Variants in ANKRD50 observed in about 807,000 individuals in gnomAD.
ANKRD50 encodes the protein ankyrin repeat domain 50, also known as ankyrin repeat domain-containing protein 50.
In ANKRD50, 40 loss-of-function variants were observed where a neutral mutation model predicts 112.0. That is an observed-to-expected ratio of 0.36 (90% confidence interval 0.28 to 0.46). The LOEUF is 0.46. ANKRD50 is among the 20% of genes least tolerant of loss of function. ANKRD50 has a pLI of 1.00. For missense variants in ANKRD50, 1,487 were observed against 1,701.7 expected (o/e 0.87, Z 2.22); for synonymous variants, 613 against 619.1 (o/e 0.99, Z 0.15).
chr4:124,684,291 T>G (rs1177486146), intron 2 of ANKRD50, among the ~76,000 whole-genome samples: 2 of 152,184 alleles, frequency 1.3e-5, no homozygotes, highest in African/African-American at 4.8e-5. Flanking sequence ...ATGCAGTGTC[T>G]AGGCTGGCAA....
At position 124,666,079 on chromosome 4, in the gene ANKRD50, G is replaced by A. The variant is rs1730482851; in HGVS notation, c.*1439C>T. ...TACATGAAAAGAACAGAATTTCTGG[G>A]TTCTATAAGATTAACAGGCCCATTC... On this transcript the variant is annotated 3_prime_UTR_variant, in exon 5 of 5. Transcript: ENST00000504087. 1 of 151,914 alleles carries A rather than the reference G, an allele frequency of 6.6e-6. No homozygotes were observed. The highest frequency in any genetic ancestry group is 1.5e-5 in the Non-Finnish European group (1 of 67,872). The allele number at this position is 151,914 out of a possible 1,614,324, so 9.4% of individuals were successfully genotyped here. A position where few individuals can be genotyped will look rare whatever the true frequency, so the allele number is the denominator to read the frequency against.
chr4:124,669,256 G>A lies in ANKRD50; in HGVS notation c.4021C>T (p.Arg1341Ter), dbSNP rs1560816656. The change falls in exon 4 of 5, where the codon CGA (arginine) becomes TGA (stop). Residue 1341 changes from arginine (R) to a stop codon, truncating the protein, a stop_gained. Transcript: ENST00000504087. LOFTEE classifies it high-confidence loss of function. ...TGAATAAGAAACTGCTGTTGAGATC[G>A]ACCAATTTCCTGCTGAGCTGAAGGT... ...MIPSAQQEIG[R>*]SQQQFLIHQQ... 1.9e-6 allele frequency: 3 copies of A among 1,613,702 alleles called. No individual in the cohort carries two copies. Among genetic ancestry groups the A allele is most frequent in the Non-Finnish European group, 2.5e-6 (3 of 1,179,806 alleles).
At position 124,671,068 on chromosome 4, in the gene ANKRD50, G is replaced by C. The variant is rs1377673439; in HGVS notation, c.2209C>G (p.Arg737Gly). The change falls in exon 4 of 5, where the codon CGA (arginine) becomes GGA (glycine). Residue 737 changes from arginine to glycine, a missense_variant. Physicochemically the swap from Arg to Gly is moderately radical, Grantham distance 125. Transcript: ENST00000504087. ...HASVVSLLID[R>G]GAEVDHCDKD... ...TCACAATGATCTACTTCAGCACCTCGATCAATTAAAAGGCTAACAACTGAT... is the reference window on the plus strand; with the variant it reads ...TCACAATGATCTACTTCAGCACCTCCATCAATTAAAAGGCTAACAACTGAT... The C allele has an allele frequency of 4.3e-6, 7 of 1,613,694 alleles. No individual in the cohort carries two copies. Among genetic ancestry groups the C allele is most frequent in the Non-Finnish European group, 5.9e-6 (7 of 1,179,834 alleles).
chr4:124,670,929 G>A lies in ANKRD50; in HGVS notation c.2348C>T (p.Thr783Ile), dbSNP rs1286965817. 6.2e-6 allele frequency: 10 copies of A among 1,613,744 alleles called. No homozygotes were observed. Among genetic ancestry groups the A allele is most frequent in the Non-Finnish European group, 8.5e-6 (10 of 1,179,892 alleles). Residue 783 changes from threonine (T) to isoleucine (I), a missense_variant, in exon 4 of 5, where the codon ACA becomes ATA. Around this residue, in one of 2 missense-constraint regions of ANKRD50, gnomAD observed 1,046 missense variants for 1,269.5 expected, o/e 0.82. Coordinates refer to ENST00000504087, the MANE Select transcript of ANKRD50 (RefSeq NM_020337.3). ...CATAGACGCTGCTGCTAAGAGGGGT[G>A]TACGGCCATTGTTATCTGTGTGATC... ...DVDHTDNNGR[T>I]PLLAAASMGH...
chr4:124,676,540 G>GA (rs923724274), intron 3 of ANKRD50, among the ~76,000 whole-genome samples: 1 of 151,028 alleles, frequency 6.6e-6, no homozygotes, highest in African/African-American at 2.4e-5. Context: ...AATGTATGAT[G>GA]AAAAAAAATC....
In ANKRD50 at chr4:124,667,277, G is replaced by C. The variant is rs1050472683; in HGVS notation, c.*241C>G. 9 of 152,022 alleles carry C rather than the reference G, an allele frequency of 5.9e-5. No homozygotes were observed. The highest frequency in any genetic ancestry group is 1.9e-4 in the African/African-American group (8 of 41,510). The allele number at this position is 152,022 out of a possible 1,614,324, so 9.4% of individuals were successfully genotyped here. A position where few individuals can be genotyped will look rare whatever the true frequency, so the allele number is the denominator to read the frequency against. ...CAGTATGTATCTGCATTTTTAAAAA[G>C]TGCTTATTCCTGTGTAGTGAATACA... On this transcript the variant is annotated 3_prime_UTR_variant, in exon 5 of 5. Transcript: ENST00000504087.
In ANKRD50 at chr4:124,664,123, C is replaced by T. The variant is rs971960499; in HGVS notation, c.*3395G>A. ...GTTTGCAATAAACTCCCAAAATATC[C>T]GCCATAAGATGGCCATAATATTCTG... is the stretch of plus-strand genomic sequence containing the variant. On this transcript the variant is annotated 3_prime_UTR_variant, in exon 5 of 5. Coordinates refer to ENST00000504087, the MANE Select transcript of ANKRD50 (RefSeq NM_020337.3). The T allele has an allele frequency of 3.3e-5, 5 of 151,868 alleles. No individual in the cohort carries two copies. The highest frequency in any genetic ancestry group is 9.7e-5 in the African/African-American group (4 of 41,362). The allele number at this position is 151,868 out of a possible 1,614,324, so 9.4% of individuals were successfully genotyped here. A position where few individuals can be genotyped will look rare whatever the true frequency, so the allele number is the denominator to read the frequency against.
chr4:124,705,109 C>T lies in ANKRD50; in HGVS notation c.512+4891G>A, dbSNP rs138315540. Among the ~76,000 whole-genome samples the T allele has an allele frequency of 4.2e-3, 643 of 151,862 alleles. 6 individuals are homozygous for T. The highest frequency in any genetic ancestry group is 0.015 in the African/African-American group (616 of 41,418). On this transcript the variant is annotated intron_variant, in intron 2 of 4. Coordinates refer to ENST00000504087, the MANE Select transcript of ANKRD50 (RefSeq NM_020337.3). ...ACTCCATCTCAAAAAAACAAACAAACAAACAAACAAAAAAACTGCAACGCA... is the reference window on the plus strand; with the variant it reads ...ACTCCATCTCAAAAAAACAAACAAATAAACAAACAAAAAAACTGCAACGCA...
At chr4:124,705,669 T>G (rs1285424229) in intron 2 of ANKRD50, among the ~76,000 whole-genome samples, 1 of 152,178 alleles carries the variant, frequency 6.6e-6, no homozygotes, top group Non-Finnish European at 1.5e-5. Flanking sequence ...AACCTAATGC[T>G]ACCACCCTCC....
rs1427434962 is a variant in ANKRD50, at chr4:124,671,550, G to A, written c.1727C>T (p.Ala576Val). 1.2e-6 allele frequency: 2 copies of A among 1,613,730 alleles called. No individual in the cohort carries two copies. The highest frequency in any genetic ancestry group is 1.7e-6 in the Non-Finnish European group (2 of 1,179,832). ...SRGADLEIED[A>V]HGHTPLTLAA... ...TAGAGTGAGTGGTGTATGTCCATGA[G>A]CATCTTCTATCTCTAAATCTGCTCC... Residue 576 changes from alanine (A) to valine (V), a missense_variant, in exon 4 of 5, where the codon GCT becomes GTT. Ala to Val is a moderately conservative substitution (Grantham distance 64, BLOSUM62 0). Coordinates refer to ENST00000504087, the MANE Select transcript of ANKRD50 (RefSeq NM_020337.3).
chr4:124,680,059 A>G (rs1724844931), intron 2 of ANKRD50, among the ~76,000 whole-genome samples: 1 of 152,212 alleles, frequency 6.6e-6, no homozygotes, highest in Non-Finnish European at 1.5e-5. Context: ...TTTATCTTCA[A>G]TTTTAAGTTG....
rs1730649397 is a variant in ANKRD50, at chr4:124,671,407, T to C, written c.1870A>G (p.Thr624Ala). The change falls in exon 4 of 5, where the codon ACT becomes GCT. Residue 624 changes from threonine (T) to alanine (A), a missense_variant. Thr to Ala is a moderately conservative substitution (Grantham distance 58). This residue lies in a region of ANKRD50 where 1,046 missense variants were observed against 1,269.5 expected (regional missense o/e 0.82). Transcript: ENST00000504087. ...TAAAGTAGTGCAGAAACTACCTCAG[T>C]ATGGCCACCCCAAGCAGCAGATCTT... is the stretch of plus-strand genomic sequence containing the variant. Reference protein sequence around the residue: ...ALRSAAWGGHTEVVSALLYAG... With the variant: ...ALRSAAWGGHAEVVSALLYAG... 5 of 1,613,860 alleles carry C rather than the reference T, an allele frequency of 3.1e-6. No homozygotes were observed. Among genetic ancestry groups the C allele is most frequent in the Non-Finnish European group, 4.2e-6 (5 of 1,179,862 alleles).
intron 2 of ANKRD50, among the ~76,000 whole-genome samples, chr4:124,683,756 C>T (rs987539034): frequency 3.5e-5 from 3 of 86,642 alleles, no homozygotes; most frequent in Admixed American, 2.5e-4. Flanking sequence ...GACTCCGTCT[C>T]AAAAAAAAAA....
At position 124,710,407 on chromosome 4, in the gene ANKRD50, A is replaced by G; in HGVS notation, c.105T>C (p.His35=). ...AGCAGTTACTTTTCTCCTGGAGGCA[A>G]TGCTGAAGCTTGTGGAAAACCCACT... ...CREWVFHKLQ[H]CLQEKSNCCN... is the part of the protein sequence containing the mutation. The change falls in exon 2 of 5, where the codon CAT becomes CAC. Residue 35 remains histidine (H), a synonymous_variant. Coordinates refer to ENST00000504087, the MANE Select transcript of ANKRD50 (RefSeq NM_020337.3). 6.2e-7 allele frequency: 1 copy of G among 1,614,226 alleles called. No homozygotes were observed. Among genetic ancestry groups the G allele is most frequent in the East Asian group, 2.2e-5 (1 of 44,882 alleles).
intron 3 of ANKRD50, among the ~76,000 whole-genome samples, chr4:124,673,516 G>GGCAGCAGTTGCAGCAGCA (rs1730706372): frequency 6.6e-6 from 1 of 151,926 alleles, no homozygotes; most frequent in Non-Finnish European, 1.5e-5. Flanking sequence ...CCATGGTGGT[G>GGCAGCAGTTGCAGCAGCA]GCAGCAGTTG....
At position 124,691,498 on chromosome 4, in the gene ANKRD50, CAAAAAAAAAAA is replaced by C. The variant is rs71583369; in HGVS notation, c.513-12604_513-12594del. Among the ~76,000 whole-genome samples, 43 of 59,776 alleles carry C rather than the reference CAAAAAAAAAAA, an allele frequency of 7.2e-4. 1 individual carries two copies. The East Asian group carries it at 0.019, about 26-fold the overall frequency. The allele number at this position is 59,776 out of a possible 152,430, so 39.2% of individuals were successfully genotyped here. A position where few individuals can be genotyped will look rare whatever the true frequency, so the allele number is the denominator to read the frequency against. On this transcript the variant is annotated intron_variant, in intron 2 of 4. Transcript: ENST00000504087. The stretch of plus-strand genomic sequence containing the variant: ...TGGGCGACAGAGCGAGACTCCGTCT[CAAAAAAAAAAA>C]AAAAAAAAAAAAAAAGGAGAACAGT...
In ANKRD50 at chr4:124,670,997, A is replaced by G. The variant is rs1158044706; in HGVS notation, c.2280T>C (p.His760=). 3 of 1,613,698 alleles carry G rather than the reference A, an allele frequency of 1.9e-6. No individual in the cohort carries two copies. Among genetic ancestry groups the G allele is most frequent in the African/African-American group, 2.7e-5 (2 of 74,878 alleles). The change falls in exon 4 of 5, where the codon CAT becomes CAC. Residue 760 remains histidine, a synonymous_variant. Coordinates refer to ENST00000504087, the MANE Select transcript of ANKRD50 (RefSeq NM_020337.3). ...CTAGAAGCAAGTCAACCACATCAAC[A>G]TGTCCTTCATAGGCAGCTACCAGCA... ...TPLLVAAYEG[H]VDVVDLLLEG...
At position 124,667,515 on chromosome 4, in the gene ANKRD50, C is replaced by A. The variant is rs1730523735; in HGVS notation, c.*4-1G>T. On this transcript the variant is annotated splice_acceptor_variant, in intron 4 of 4. Coordinates refer to ENST00000504087, the MANE Select transcript of ANKRD50 (RefSeq NM_020337.3). LOFTEE classifies it low-confidence loss of function (3UTR_SPLICE). ...GTCTTCTGTTTCACAGAATAGGAAA[C>A]TAATGCAAAAGTTAAAAAAAAATTA... is the stretch of plus-strand genomic sequence containing the variant. 1.3e-5 allele frequency: 2 copies of A among 151,880 alleles called. No individual in the cohort carries two copies. Among genetic ancestry groups the A allele is most frequent in the Admixed American group, 1.3e-4 (2 of 15,224 alleles). 9.4% of individuals were successfully genotyped at this position (151,880 alleles called of 1,614,324 possible). A position where few individuals can be genotyped will look rare whatever the true frequency, so the allele number is the denominator to read the frequency against.
chr4:124,703,442 G>A (rs917552163), intron 2 of ANKRD50, among the ~76,000 whole-genome samples: 1 of 152,064 alleles, frequency 6.6e-6, no homozygotes, highest in Non-Finnish European at 1.5e-5. Flanking sequence ...AAAAAATGCA[G>A]CATTTTTTTC....
Sources: allele counts gnomAD v4.1 joint callset (sites outside exome capture counted in the v4.1 genomes callset), GRCh38; gene constraint gnomAD v4.1.1; regional missense constraint gnomAD v4.1.1; transcripts MANE v1.5; gene names NCBI Gene and HGNC (gene_info 2026-07-23, HGNC 2026-07-21).